STRN3: variants seen among roughly 807,000 people sequenced by gnomAD.
STRN3 encodes the protein striatin-3.
Under a neutral mutation model 95.6 loss-of-function variants are expected in STRN3, and 29 were observed. The observed-to-expected ratio is 0.30, with a 90% CI of 0.23 to 0.41. The LOEUF (loss-of-function observed/expected upper bound fraction) is 0.41, where lower values mean the gene tolerates loss of function less well. STRN3 is among the 10% of genes least tolerant of loss of function. The pLI is 1.00. For missense variants in STRN3, 890 were observed against 972.1 expected (o/e 0.92, Z 1.12); for synonymous variants, 331 against 357.6 (o/e 0.93, Z 0.84).
chr14:30,946,144 T>C (rs1206964133), intron 5 of STRN3, among the ~76,000 whole-genome samples: 2 of 152,178 alleles, frequency 1.3e-5, no homozygotes, highest in African/African-American at 2.4e-5. Context: ...GAAAATACTC[T>C]AGCAAAAAAT....
intron 1 of STRN3, among the ~76,000 whole-genome samples, chr14:31,003,928 C>T (rs1198754184): frequency 1.3e-5 from 2 of 151,516 alleles, no homozygotes; most frequent in Non-Finnish European, 2.9e-5. Flanking sequence ...AGAGGCCTCC[C>T]AGGCACTTAA....
Position 30,950,886 on chromosome 14 carries a change from C to T in STRN3, c.519G>A (p.Lys173=), listed in dbSNP as rs1879605323. The change falls in exon 4 of 18, where the codon AAG becomes AAA. Residue 173 remains lysine (K), a synonymous_variant. Transcript: ENST00000357479. ...ACTGTCTTAAAAGCTGTCTGCCTTG[C>T]TTCCACGTTAACTGGCTATTCTGAG... ...TAPQNSQLTW[K]QGRQLLRQYL... 6.2e-7 allele frequency: 1 copy of T among 1,613,800 alleles called. No homozygotes were observed. Among genetic ancestry groups the T allele is most frequent in the African/African-American group, 1.3e-5 (1 of 74,914 alleles).
intron 2 of STRN3, 89 bp from the exon 3 acceptor site, chr14:30,955,782 GA>G: frequency 9.7e-7 from 1 of 1,035,020 alleles, no homozygotes; most frequent in Non-Finnish European, 1.4e-6. Context: ...AACATAATAT[GA>G]ATGTCTGCTT....
chr14:30,933,565 G>C (rs2139067073), intron 7 of STRN3, among the ~76,000 whole-genome samples: 1 of 152,196 alleles, frequency 6.6e-6, no homozygotes, highest in Admixed American at 6.5e-5. Flanking sequence ...TGTCTGCACA[G>C]AGAAGCTAAA....
In STRN3 at chr14:30,919,119, G is replaced by A. The variant is rs1224932399; in HGVS notation, c.1100-13C>T. On this transcript the variant is annotated splice_polypyrimidine_tract_variant and intron_variant, in intron 8 of 17. Transcript: ENST00000357479. ...GTCCTGTTGGCCCCTGTAAATTAAT[G>A]TCAGCAGTAGAGGTTCATTTAATGG... is the stretch of plus-strand genomic sequence containing the variant. 1 of 1,590,630 alleles carries A rather than the reference G, an allele frequency of 6.3e-7. No individual in the cohort carries two copies. The highest frequency in any genetic ancestry group is 1.4e-5 in the African/African-American group (1 of 73,944).
intron 1 of STRN3, chr14:31,018,626 G>T: frequency 2.0e-6 from 1 of 504,262 alleles, no homozygotes; most frequent in Non-Finnish European, 4.0e-6. Context: ...AGAGCTCAAA[G>T]AAGAGTGCAA....
chr14:30,920,104 T>C lies in STRN3; in HGVS notation c.1100-998A>G, dbSNP rs918483933. 7.2e-5 allele frequency among the ~76,000 whole-genome samples: 11 copies of C among 152,322 alleles called. No individual in the cohort carries two copies. In the East Asian group the frequency reaches 1.3e-3, roughly 19 times the overall value. ...TATATATTAAGTTCACTGTGGCTAT[T>C]TGAGTGTAAGTAACTCTAAGAACTA... On this transcript the variant is annotated intron_variant, in intron 8 of 17. Coordinates refer to ENST00000357479, the MANE Select transcript of STRN3 (RefSeq NM_001083893.2).
At chr14:30,979,968 G>T (rs1014771080) in intron 1 of STRN3, among the ~76,000 whole-genome samples, 1 of 144,530 alleles carries the variant, frequency 6.9e-6, no homozygotes, top group Admixed American at 7.1e-5. Context: ...ATTATTTCAG[G>T]CCAGGTGCGG....
intron 5 of STRN3, among the ~76,000 whole-genome samples, chr14:30,939,990 T>C (rs1285919726): frequency 1.3e-5 from 2 of 152,138 alleles, no homozygotes; most frequent in African/African-American, 4.8e-5. Flanking sequence ...CTACTTCCTT[T>C]CTTTTATATA....
intron 7 of STRN3, 52 bp from the exon 8 acceptor site, chr14:30,929,363 G>A (rs985565782): frequency 2.2e-6 from 3 of 1,362,550 alleles, no homozygotes. Flanking sequence ...GGCAATGCAA[G>A]CTGTTGGCAG....
intron 1 of STRN3, among the ~76,000 whole-genome samples, chr14:30,961,583 T>C (rs1880209424): frequency 6.6e-6 from 1 of 152,226 alleles, no homozygotes; most frequent in African/African-American, 2.4e-5. Flanking sequence ...ATACATATAA[T>C]TATGTACAGT....
chr14:30,922,753 T>C (rs546000692), intron 8 of STRN3, among the ~76,000 whole-genome samples: 1 of 152,042 alleles, frequency 6.6e-6, no homozygotes, highest in African/African-American at 2.4e-5. Context: ...CACAGCTTTA[T>C]TTAATTTATT....
chr14:30,966,662 G>T (rs1429049561), intron 1 of STRN3, among the ~76,000 whole-genome samples: 1 of 152,176 alleles, frequency 6.6e-6, no homozygotes, highest in Non-Finnish European at 1.5e-5. Flanking sequence ...TTCCTTTGTG[G>T]TCAAATTCTG....
chr14:30,991,545 T>C (rs575020309), intron 1 of STRN3, among the ~76,000 whole-genome samples: 1 of 152,330 alleles, frequency 6.6e-6, no homozygotes, highest in African/African-American at 2.4e-5. Flanking sequence ...GAGGAAATGA[T>C]AGCTAAGCTT....
intron 1 of STRN3, among the ~76,000 whole-genome samples, chr14:30,997,827 A>G (rs1050068961): frequency 6.6e-6 from 1 of 152,188 alleles, no homozygotes; most frequent in Non-Finnish European, 1.5e-5. Flanking sequence ...AATGTCAGCA[A>G]AAAAGGCAGA....
intron 8 of STRN3, 105 bp downstream of exon 8, chr14:30,929,096 C>G: frequency 1.2e-6 from 1 of 855,334 alleles, no homozygotes; most frequent in Non-Finnish European, 1.8e-6. Context: ...GTTAGTTGCC[C>G]CCTTTATGAA....
rs945043713 is a variant in STRN3, at chr14:30,894,274, T to A, written c.*1137A>T. 1 of 152,396 alleles carries A rather than the reference T, an allele frequency of 6.6e-6. No homozygotes were observed. The highest frequency in any genetic ancestry group is 2.4e-5 in the African/African-American group (1 of 41,466). 9.4% of individuals were successfully genotyped at this position (152,396 alleles called of 1,614,324 possible). On this transcript the variant is annotated 3_prime_UTR_variant, in exon 18 of 18. Coordinates refer to ENST00000357479, the MANE Select transcript of STRN3 (RefSeq NM_001083893.2). Reference sequence around the variant, plus strand: ...AACAAGTTAGTTTTGTTTGGAATCATGGTAAACCAAGATATATATCTTAGG... The same window carrying A: ...AACAAGTTAGTTTTGTTTGGAATCAAGGTAAACCAAGATATATATCTTAGG...
chr14:30,925,170 G>A (rs1248656656), intron 8 of STRN3, among the ~76,000 whole-genome samples: 1 of 151,326 alleles, frequency 6.6e-6, no homozygotes, highest in Non-Finnish European at 1.5e-5. Flanking sequence ...ATACTGAAGT[G>A]GGTCTACGTT....
At chr14:30,914,080 G>A (rs1378325532) in intron 9 of STRN3, among the ~76,000 whole-genome samples, 1 of 152,138 alleles carries the variant, frequency 6.6e-6, no homozygotes, top group East Asian at 1.9e-4. Context: ...TAGTCATATA[G>A]TATTTTTTAA....
Sources: allele counts gnomAD v4.1 joint callset (sites outside exome capture counted in the v4.1 genomes callset), GRCh38; gene constraint gnomAD v4.1.1; transcripts MANE v1.5; gene names NCBI Gene and HGNC (gene_info 2026-07-23, HGNC 2026-07-21).